PAPSS1: variants seen among roughly 807,000 people sequenced by gnomAD.
PAPSS1 encodes 3'-phosphoadenosine 5'-phosphosulfate synthase 1.
A neutral mutation model predicts 72.0 loss-of-function variants in PAPSS1; 50 were observed. The observed-to-expected ratio is 0.69, with a 90% CI of 0.55 to 0.88. The LOEUF (loss-of-function observed/expected upper bound fraction) is 0.88. Among genes scored for constraint, PAPSS1 ranks in the 40% least tolerant of loss-of-function variants. PAPSS1 has a pLI of 0.00. For missense variants in PAPSS1, 657 were observed against 782.2 expected, an observed-to-expected ratio of 0.84 and a Z score of 1.91; for synonymous variants, 261 against 263.6, an observed-to-expected ratio of 0.99 and a Z score of 0.09.
At chr4:107,697,398 G>A (rs1723096675) in intron 2 of PAPSS1, among the ~76,000 whole-genome samples, 1 of 152,182 alleles carries the variant, frequency 6.6e-6, no homozygotes, top group Admixed American at 6.5e-5. Context: ...AGGGATGGTG[G>A]CTAGGGTGAA....
At chr4:107,682,509 G>A (rs142804516) in intron 4 of PAPSS1, among the ~76,000 whole-genome samples, 4 of 152,320 alleles carry the variant, frequency 2.6e-5, no homozygotes, top group Non-Finnish European at 5.9e-5. Context: ...AAAGTGCCAG[G>A]AGTACTGATG....
chr4:107,676,514 A>T (rs1168672288), intron 5 of PAPSS1, among the ~76,000 whole-genome samples: 1 of 152,268 alleles, frequency 6.6e-6, no homozygotes, highest in East Asian at 1.9e-4. Context: ...ACTATAAACC[A>T]CTGCTCAATG....
intron 4 of PAPSS1, among the ~76,000 whole-genome samples, chr4:107,683,769 T>C (rs193290302): frequency 1.3e-5 from 2 of 152,212 alleles, no homozygotes; most frequent in African/African-American, 4.8e-5. Context: ...CATGTAAAGG[T>C]CTATAAAAGC....
At chr4:107,680,992 G>C (rs1168865045) in intron 5 of PAPSS1, among the ~76,000 whole-genome samples, 1 of 152,058 alleles carries the variant, frequency 6.6e-6, no homozygotes, top group African/African-American at 2.4e-5. Context: ...AAAGTCCCAA[G>C]TTACCTACCT....
chr4:107,684,450 T>G (rs1722720898), intron 4 of PAPSS1, among the ~76,000 whole-genome samples: 1 of 152,116 alleles, frequency 6.6e-6, no homozygotes, highest in African/African-American at 2.4e-5. Context: ...TGGGGGAAAA[T>G]TTGCACCTTT....
chr4:107,715,709 C>G (rs1234207793), intron 1 of PAPSS1, among the ~76,000 whole-genome samples: 1 of 152,186 alleles, frequency 6.6e-6, no homozygotes, highest in Non-Finnish European at 1.5e-5. Flanking sequence ...CTTTTTACCA[C>G]TGCATCCTCA....
intron 10 of PAPSS1, among the ~76,000 whole-genome samples, chr4:107,632,403 A>C (rs1342136254): frequency 6.6e-6 from 1 of 152,130 alleles, no homozygotes; most frequent in Non-Finnish European, 1.5e-5. Flanking sequence ...AGGTTAAAAA[A>C]AAAACCCTGT....
chr4:107,656,533 C>T (rs1727014609), intron 7 of PAPSS1, among the ~76,000 whole-genome samples: 2 of 152,166 alleles, frequency 1.3e-5, no homozygotes, highest in South Asian at 4.1e-4. Context: ...CATTAGAAAG[C>T]TCAAGCATGG....
At chr4:107,701,057 G>C in intron 2 of PAPSS1, 114 bp downstream of exon 2, 1 of 518,130 alleles carries the variant, frequency 1.9e-6, no homozygotes, top group Non-Finnish European at 3.4e-6. Context: ...GTTATATGTC[G>C]TGATGCTCCA....
chr4:107,675,217 A>T (rs1018328304), intron 5 of PAPSS1, among the ~76,000 whole-genome samples: 17 of 152,100 alleles, frequency 1.1e-4, no homozygotes, highest in South Asian at 4.1e-4. Flanking sequence ...GACACAAAAA[A>T]CTCTTCAAAA....
chr4:107,670,804 C>T (rs1030339565), intron 5 of PAPSS1, among the ~76,000 whole-genome samples: 1 of 152,184 alleles, frequency 6.6e-6, no homozygotes, highest in African/African-American at 2.4e-5. Flanking sequence ...TCCCAAAGTG[C>T]TGGGATTACA....
chr4:107,687,661 GCT>G (rs1418548588), intron 3 of PAPSS1, among the ~76,000 whole-genome samples: 1 of 152,092 alleles, frequency 6.6e-6, no homozygotes, highest in African/African-American at 2.4e-5. Flanking sequence ...TAACTTTTCT[GCT>G]CCTAACTCCC....
At chr4:107,694,036 T>C in intron 2 of PAPSS1, 30 bp from the exon 3 acceptor site, 6 of 1,460,964 alleles carry the variant, frequency 4.1e-6, no homozygotes, top group East Asian at 2.3e-5. Flanking sequence ...ACAGATTCCA[T>C]GTGTAAAGTT....
intron 1 of PAPSS1, among the ~76,000 whole-genome samples, chr4:107,715,396 T>G (rs960789943): frequency 4.6e-5 from 7 of 152,050 alleles, no homozygotes; most frequent in Non-Finnish European, 1.0e-4. Context: ...ATGGGGGAAA[T>G]AAAAGACCAA....
rs1402047922 is a variant in PAPSS1 at position 107,653,583 on chromosome 4, TG to T, written c.1144del (p.Gln382LysfsTer22). ...ATTCCAATAAACTCGATCCAAGACTTGAAGATCTCCTCCAATCAGCCAATCT... is the reference window on the plus strand; with the variant it reads ...ATTCCAATAAACTCGATCCAAGACTTAAGATCTCCTCCAATCAGCCAATCT... ...QGDWLIGGDL[Q>X]VLDRVYWNDG... is the part of the protein sequence containing the mutation. On this transcript the variant is annotated frameshift_variant, in exon 9 of 12. Transcript: ENST00000265174. LOFTEE classifies it high-confidence loss of function. The T allele has an allele frequency of 6.2e-7, 1 of 1,613,584 alleles. No homozygotes were observed. Among genetic ancestry groups the T allele is most frequent in the Non-Finnish European group, 8.5e-7 (1 of 1,179,682 alleles).
chr4:107,678,877 C>G (rs1423038753), intron 5 of PAPSS1, among the ~76,000 whole-genome samples: 1 of 152,152 alleles, frequency 6.6e-6, no homozygotes, highest in Non-Finnish European at 1.5e-5. Flanking sequence ...AACCCTCAAA[C>G]CTTCCCAGGG....
At chr4:107,654,240 A>G (rs1400784428) in intron 8 of PAPSS1, among the ~76,000 whole-genome samples, 1 of 152,224 alleles carries the variant, frequency 6.6e-6, no homozygotes, top group Non-Finnish European at 1.5e-5. Flanking sequence ...TTTGACTTCA[A>G]TAACATTCCA....
rs568925814 is a variant in PAPSS1, at chr4:107,660,905, A to T, written c.670-833T>A. Among the ~76,000 whole-genome samples the T allele has an allele frequency of 3.3e-5, 5 of 152,308 alleles. No individual in the cohort carries two copies. The South Asian group carries it at 1.0e-3, about 32-fold the overall frequency. On this transcript the variant is annotated intron_variant, in intron 5 of 11. Transcript: ENST00000265174. Reference sequence around the variant, plus strand: ...GTTATTCAAAATAAAGTAATTCTCAAAAGATTGAGAAGATAAGCCAGACTG... The same window carrying T: ...GTTATTCAAAATAAAGTAATTCTCATAAGATTGAGAAGATAAGCCAGACTG...
chr4:107,703,958 T>C (rs148926320), intron 1 of PAPSS1, among the ~76,000 whole-genome samples: 1 of 152,242 alleles, frequency 6.6e-6, no homozygotes, highest in African/African-American at 2.4e-5. Context: ...ATTTTAACAA[T>C]ATTAATTCTT....
Sources: gnomAD v4.1 joint callset for allele counts (sites outside exome capture counted in the v4.1 genomes callset) on GRCh38, gnomAD v4.1.1 for gene constraint, MANE v1.5 for transcripts, NCBI Gene and HGNC (gene_info 2026-07-23, HGNC 2026-07-21) for gene names.